The following NXPH2 variants were observed in gnomAD, a reference collection of about 807,000 sequenced individuals.
The protein encoded by NXPH2 is neurexophilin 2.
In NXPH2, 5 loss-of-function variants were observed where a neutral mutation model predicts 19.8. That is an observed-to-expected ratio of 0.25 (90% CI 0.13 to 0.53). NXPH2 has a LOEUF of 0.53. Among genes scored for constraint, NXPH2 ranks in the 20% least tolerant of loss-of-function variants. The pLI is 0.96. For missense variants in NXPH2, 289 were observed against 322.8 expected (o/e 0.90, Z 0.80); for synonymous variants, 154 against 127.4 (o/e 1.21, Z -1.41).
At chr2:138,678,509 C>G (rs1490079390) in intron 1 of NXPH2, among the ~76,000 whole-genome samples, 1 of 151,326 alleles carries the variant, frequency 6.6e-6, no homozygotes, top group Non-Finnish European at 1.5e-5. Flanking sequence ...AAGTCAGGAA[C>G]TCCAAAATTT....
chr2:138,714,003 A>G (rs1681152078), intron 1 of NXPH2, among the ~76,000 whole-genome samples: 1 of 152,138 alleles, frequency 6.6e-6, no homozygotes, highest in Admixed American at 6.5e-5. Flanking sequence ...TACAACTAAT[A>G]AAACAAAACA....
chr2:138,673,300 A>T (rs909164713), intron 1 of NXPH2, among the ~76,000 whole-genome samples: 1 of 152,058 alleles, frequency 6.6e-6, no homozygotes, highest in Non-Finnish European at 1.5e-5. Flanking sequence ...GGAAAGAGGG[A>T]TCATTACTCT....
intron 1 of NXPH2, among the ~76,000 whole-genome samples, chr2:138,746,078 A>G (rs1462880606): frequency 4.6e-5 from 7 of 152,206 alleles, no homozygotes; most frequent in Non-Finnish European, 2.9e-5. Context: ...GTCGTCCTGT[A>G]TGGAAGCTGT....
At chr2:138,672,957 G>A (rs1037752255) in intron 1 of NXPH2, among the ~76,000 whole-genome samples, 1 of 152,162 alleles carries the variant, frequency 6.6e-6, no homozygotes, top group African/African-American at 2.4e-5. Flanking sequence ...AATCCTAACA[G>A]GGCTTTGTGA....
chr2:138,680,510 C>T (rs539828523), intron 1 of NXPH2, among the ~76,000 whole-genome samples: 1 of 152,308 alleles, frequency 6.6e-6, no homozygotes, highest in South Asian at 2.1e-4. Flanking sequence ...AGGACAGACA[C>T]AGGTCCTGTC....
At chr2:138,681,556 T>C (rs896732495) in intron 1 of NXPH2, among the ~76,000 whole-genome samples, 1 of 152,170 alleles carries the variant, frequency 6.6e-6, no homozygotes, top group South Asian at 2.1e-4. Flanking sequence ...ACACCAAAAA[T>C]ATGTAGTCCT....
intron 1 of NXPH2, among the ~76,000 whole-genome samples, chr2:138,768,053 T>A (rs1682119965): frequency 6.6e-6 from 1 of 152,226 alleles, no homozygotes; most frequent in Non-Finnish European, 1.5e-5. Flanking sequence ...AATTATTTAT[T>A]GTTCCCCAGT....
At chr2:138,721,618 C>T (rs942693398) in intron 1 of NXPH2, among the ~76,000 whole-genome samples, 11 of 151,546 alleles carry the variant, frequency 7.3e-5, no homozygotes, top group African/African-American at 2.7e-4. Flanking sequence ...TTTTAAGTCA[C>T]AATGGAAGAG....
intron 1 of NXPH2, among the ~76,000 whole-genome samples, chr2:138,697,092 T>C (rs975297460): frequency 6.6e-6 from 1 of 152,150 alleles, no homozygotes; most frequent in African/African-American, 2.4e-5. Flanking sequence ...GTATATGTGG[T>C]ATAATTCCAT....
intron 1 of NXPH2, among the ~76,000 whole-genome samples, chr2:138,779,547 A>AG (rs765207935): frequency 1.3e-5 from 2 of 151,918 alleles, no homozygotes; most frequent in Non-Finnish European, 2.9e-5. Context: ...GATGCCCGAG[A>AG]GGGGGCTCCT....
At chr2:138,681,127 C>A (rs922928435) in intron 1 of NXPH2, among the ~76,000 whole-genome samples, 1 of 152,136 alleles carries the variant, frequency 6.6e-6, no homozygotes, top group African/African-American at 2.4e-5. Flanking sequence ...CATGATTATG[C>A]TATAGCCCTC....
chr2:138,698,065 T>C (rs1680854831), intron 1 of NXPH2, among the ~76,000 whole-genome samples: 1 of 152,148 alleles, frequency 6.6e-6, no homozygotes, highest in South Asian at 2.1e-4. Flanking sequence ...TTCTGAAGCG[T>C]CCTTAGGAAA....
At chr2:138,701,106 A>T (rs1488653439) in intron 1 of NXPH2, among the ~76,000 whole-genome samples, 1 of 152,182 alleles carries the variant, frequency 6.6e-6, no homozygotes, top group African/African-American at 2.4e-5. Flanking sequence ...CATGCCAGGT[A>T]ACAGTGCTGT....
intron 1 of NXPH2, among the ~76,000 whole-genome samples, chr2:138,757,206 G>T (rs1226093150): frequency 1.3e-5 from 2 of 152,042 alleles, no homozygotes; most frequent in African/African-American, 4.8e-5. Flanking sequence ...TACAACAATG[G>T]CCTTGTAATG....
chr2:138,777,533 A>C (rs1342277275), intron 1 of NXPH2, among the ~76,000 whole-genome samples: 2 of 151,990 alleles, frequency 1.3e-5, no homozygotes, highest in Non-Finnish European at 2.9e-5. Flanking sequence ...TTTAAATATC[A>C]CATAAACAGG....
rs1455243641 is a variant in NXPH2, at chr2:138,676,573, CT to C, written c.52-4909del. Among the ~76,000 whole-genome samples the C allele has an allele frequency of 3.3e-5, 5 of 152,160 alleles. No individual in the cohort carries two copies. In the East Asian group the frequency reaches 7.7e-4, roughly 23 times the overall value. On this transcript the variant is annotated intron_variant, in intron 1 of 1. Transcript: ENST00000272641. ...TTATTGCCTAATGCCATTGTCACCC[CT>C]TGCTCAAGTGTGTGACATGAACCTC...
intron 1 of NXPH2, among the ~76,000 whole-genome samples, chr2:138,741,495 T>C (rs1573973747): frequency 6.6e-6 from 1 of 152,316 alleles, no homozygotes; most frequent in South Asian, 2.1e-4. Flanking sequence ...TAATGAGTTC[T>C]AGAATTGTTT....
In NXPH2 at chr2:138,764,969, C is replaced by A. The variant is rs376604155; in HGVS notation, c.51+15222G>T. Among the ~76,000 whole-genome samples the A allele has an allele frequency of 1.4e-4, 22 of 152,198 alleles. No individual in the cohort carries two copies. The South Asian group carries it at 4.2e-3, about 29-fold the overall frequency. On this transcript the variant is annotated intron_variant, in intron 1 of 1. Transcript: ENST00000272641. ...TTAACAAAACATGTTTTTCTATGGC[C>A]ATTTCCTATATTAACCTTTGATAGA... is the stretch of plus-strand genomic sequence containing the variant.
intron 1 of NXPH2, among the ~76,000 whole-genome samples, chr2:138,733,243 G>A (rs1240610632): frequency 6.6e-6 from 1 of 152,178 alleles, no homozygotes; most frequent in Non-Finnish European, 1.5e-5. Flanking sequence ...AGTATGAATG[G>A]TTTAGTGATA....
Sources: gnomAD v4.1 joint callset for allele counts (sites outside exome capture counted in the v4.1 genomes callset) on GRCh38, gnomAD v4.1.1 for gene constraint, MANE v1.5 for transcripts, NCBI Gene and HGNC (gene_info 2026-07-23, HGNC 2026-07-21) for gene names.